Variants in ZFPM2 observed in about 807,000 individuals in gnomAD.
The protein encoded by ZFPM2 is zinc finger protein ZFPM2.
Under a neutral mutation model 98.6 loss-of-function variants are expected in ZFPM2, and 20 were observed. The ratio of observed to expected loss-of-function variants is 0.20; its 90% CI spans 0.14 to 0.29. The LOEUF is 0.29. Ranked by LOEUF, ZFPM2 falls within the 10% of genes least tolerant of loss-of-function variation. The pLI is 1.00. For synonymous variants in ZFPM2, 518 were observed against 502.7 expected, an observed-to-expected ratio of 1.03 and a Z score of -0.41; for missense variants, 1,310 against 1,388.6, an observed-to-expected ratio of 0.94 and a Z score of 0.90.
chr8:105,521,394 T>C (rs556542966), intron 3 of ZFPM2, among the ~76,000 whole-genome samples: 1 of 113,280 alleles, frequency 8.8e-6, no homozygotes, highest in East Asian at 2.4e-4. Flanking sequence ...CTCAGAGAAA[T>C]ATATTAAGGG....
At chr8:105,633,424 T>C (rs1267572814) in intron 4 of ZFPM2, among the ~76,000 whole-genome samples, 1 of 152,208 alleles carries the variant, frequency 6.6e-6, no homozygotes, top group Non-Finnish European at 1.5e-5. Context: ...GACATACTTA[T>C]TTCCTCCCCA....
chr8:105,371,110 C>A (rs1385369894), intron 1 of ZFPM2, among the ~76,000 whole-genome samples: 1 of 152,128 alleles, frequency 6.6e-6, no homozygotes, highest in Non-Finnish European at 1.5e-5. Context: ...TTGTTAAATC[C>A]TAGAAATGTT....
chr8:105,346,384 C>CAA (rs1188986869), intron 1 of ZFPM2, among the ~76,000 whole-genome samples: 3 of 129,680 alleles, frequency 2.3e-5, no homozygotes, highest in African/African-American at 8.5e-5. Context: ...AACTCCATCT[C>CAA]AAAAAAAAAA....
chr8:105,354,605 A>C (rs1473931106), intron 1 of ZFPM2, among the ~76,000 whole-genome samples: 1 of 152,212 alleles, frequency 6.6e-6, no homozygotes, highest in Non-Finnish European at 1.5e-5. Flanking sequence ...AAAACAGATA[A>C]CTACTCTTCC....
chr8:105,623,307 C>T (rs1440023234), intron 4 of ZFPM2, among the ~76,000 whole-genome samples: 2 of 152,134 alleles, frequency 1.3e-5, no homozygotes, highest in Non-Finnish European at 2.9e-5. Context: ...GGAGGGGGAT[C>T]CCCTTCTTAT....
chr8:105,792,899 G>C (rs963944966), intron 6 of ZFPM2, among the ~76,000 whole-genome samples: 1 of 152,086 alleles, frequency 6.6e-6, no homozygotes, highest in African/African-American at 2.4e-5. Flanking sequence ...CAGAGACTAG[G>C]ATTGCAATCC....
chr8:105,550,515 C>A (rs955955060), intron 3 of ZFPM2, among the ~76,000 whole-genome samples: 3 of 152,130 alleles, frequency 2.0e-5, no homozygotes, highest in African/African-American at 7.2e-5. Flanking sequence ...AAAAATTATA[C>A]CTACTCTTTT....
chr8:105,713,866 A>G (rs1464383283), intron 5 of ZFPM2, among the ~76,000 whole-genome samples: 1 of 152,058 alleles, frequency 6.6e-6, no homozygotes, highest in Non-Finnish European at 1.5e-5. Context: ...GTAGCTTTAT[A>G]GTATAGTTTG....
At chr8:105,648,243 A>C (rs1817092692) in intron 5 of ZFPM2, among the ~76,000 whole-genome samples, 1 of 151,878 alleles carries the variant, frequency 6.6e-6, no homozygotes, top group African/African-American at 2.4e-5. Context: ...TTTTCTTGTA[A>C]ATTTGTTTGA....
chr8:105,476,387 G>A (rs1266120880), intron 3 of ZFPM2, among the ~76,000 whole-genome samples: 1 of 152,130 alleles, frequency 6.6e-6, no homozygotes, highest in East Asian at 1.9e-4. Context: ...AGGAATCTAG[G>A]TTGCACGCTC....
intron 5 of ZFPM2, among the ~76,000 whole-genome samples, chr8:105,641,789 G>T (rs1816953001): frequency 6.6e-6 from 1 of 152,036 alleles, no homozygotes; most frequent in Admixed American, 6.6e-5. Flanking sequence ...ATCACTGTGA[G>T]TTTCCTTAAT....
In ZFPM2 at chr8:105,444,331, C is replaced by T. The variant is rs1353333391; in HGVS notation, c.251C>T (p.Ser84Leu). The change falls in exon 3 of 8, where the codon TCA (serine) becomes TTA (leucine). Residue 84 changes from serine to leucine, a missense_variant. Transcript: ENST00000407775. Reference protein sequence around the residue: ...ETAESDGDTQSEKPGQPGVET... With the variant: ...ETAESDGDTQLEKPGQPGVET... The stretch of plus-strand genomic sequence containing the variant: ...GCAGAATCAGATGGGGACACACAGT[C>T]AGAGAAACCGGGGCAACCTGGAGTT... The T allele has an allele frequency of 3.1e-6, 5 of 1,612,308 alleles. No individual in the cohort carries two copies. The Admixed American group carries it at 5.0e-5, about 16-fold the overall frequency.
chr8:105,795,994 A>ATATT (rs1275498358), intron 6 of ZFPM2: 1 of 200,950 alleles, frequency 5.0e-6, no homozygotes, highest in African/African-American at 2.4e-5. Context: ...TGATGTCTTG[A>ATATT]TATTAAAATA....
chr8:105,607,448 C>A (rs1238766693), intron 4 of ZFPM2, among the ~76,000 whole-genome samples: 2 of 152,092 alleles, frequency 1.3e-5, no homozygotes, highest in Non-Finnish European at 2.9e-5. Flanking sequence ...CTTTCACTCT[C>A]ACACACTAGT....
intron 5 of ZFPM2, among the ~76,000 whole-genome samples, chr8:105,682,391 G>T (rs999856828): frequency 9.9e-5 from 15 of 152,282 alleles, no homozygotes; most frequent in African/African-American, 3.4e-4. Context: ...TGCACTTTGG[G>T]AATAGCAAAG....
chr8:105,586,889 G>T (rs1468860683), intron 4 of ZFPM2, among the ~76,000 whole-genome samples: 1 of 149,860 alleles, frequency 6.7e-6, no homozygotes, highest in Non-Finnish European at 1.5e-5. Flanking sequence ...CATAAAATTT[G>T]GGAAAATATT....
intron 6 of ZFPM2, chr8:105,795,935 A>T (rs1426869936): frequency 3.9e-6 from 1 of 256,496 alleles, no homozygotes; most frequent in African/African-American, 2.3e-5. Context: ...AATATACTTT[A>T]AAATCTCTGA....
At chr8:105,748,509 A>G (rs2131047362) in intron 5 of ZFPM2, among the ~76,000 whole-genome samples, 1 of 152,204 alleles carries the variant, frequency 6.6e-6, no homozygotes, top group Middle Eastern at 3.4e-3. Context: ...CGTAAGAAGA[A>G]TAGGATGCTG....
At chr8:105,464,736 A>G in intron 3 of ZFPM2, among the ~76,000 whole-genome samples, 1 of 151,900 alleles carries the variant, frequency 6.6e-6, no homozygotes, top group African/African-American at 2.4e-5. Context: ...TCAAGCTGTT[A>G]ACATGAAGTA....
Sources: allele counts gnomAD v4.1 joint callset (sites outside exome capture counted in the v4.1 genomes callset), GRCh38; gene constraint gnomAD v4.1.1; transcripts MANE v1.5; gene names NCBI Gene and HGNC (gene_info 2026-07-23, HGNC 2026-07-21).